The following CYB5D1 variants were observed in gnomAD, a reference collection of about 807,000 sequenced individuals.
CYB5D1 encodes cytochrome b5 domain-containing protein 1.
A neutral mutation model predicts 24.3 loss-of-function variants in CYB5D1; 30 were observed. The observed-to-expected ratio is 1.23, with a 90% CI of 0.92 to 1.67. The LOEUF (loss-of-function observed/expected upper bound fraction) is 1.67. CYB5D1 is among the 40% of genes most tolerant of loss of function. The probability of loss-of-function intolerance (pLI) is 0.00; values close to 1 mark genes in which losing one functional copy is unlikely to be tolerated. For synonymous variants in CYB5D1, 128 were observed against 123.2 expected (o/e 1.04, Z -0.26); for missense variants, 265 against 296.7 (o/e 0.89, Z 0.79).
rs976331324 is a variant in CYB5D1 at position 7,860,431 on chromosome 17, C to T, written c.*819C>T. 5 of 152,168 alleles carry T rather than the reference C, an allele frequency of 3.3e-5. No individual in the cohort carries two copies. Among genetic ancestry groups the T allele is most frequent in the Non-Finnish European group, 5.9e-5 (4 of 68,036 alleles). 9.4% of individuals were successfully genotyped at this position (152,168 alleles called of 1,614,324 possible). On this transcript the variant is annotated 3_prime_UTR_variant, in exon 4 of 4. Transcript: ENST00000332439. ...CCAAATAGCCTCTTCAAGACAACTA[C>T]CCCATAAGGTGGATTACCATTACTA...
rs545250303 is a variant in CYB5D1 at position 7,859,906 on chromosome 17, A to G, written c.*294A>G. 2 of 396,960 alleles carry G rather than the reference A, an allele frequency of 5.0e-6. No homozygotes were observed. The highest frequency in any genetic ancestry group is 9.3e-6 in the Non-Finnish European group (2 of 215,536). The allele number at this position is 396,960 out of a possible 1,614,324, so 24.6% of individuals were successfully genotyped here. ...GTTCAGGCAGAACTGTTTGATAGTTAAGAGAGAGTAGTTCTACAGGGGTGA... is the reference window on the plus strand; with the variant it reads ...GTTCAGGCAGAACTGTTTGATAGTTGAGAGAGAGTAGTTCTACAGGGGTGA... On this transcript the variant is annotated 3_prime_UTR_variant, in exon 4 of 4. Coordinates refer to ENST00000332439, the MANE Select transcript of CYB5D1 (RefSeq NM_144607.6).
chr17:7,859,695 G>A lies in CYB5D1; in HGVS notation c.*83G>A, dbSNP rs1035524748. The A allele has an allele frequency of 4.1e-5, 53 of 1,295,112 alleles. 1 individual carries two copies. In the Admixed American group the frequency reaches 4.4e-4, roughly 11 times the overall value. 80.2% of individuals were successfully genotyped at this position (1,295,112 alleles called of 1,614,324 possible). ...TGCCTTGAGGAAAAGTGGTGGGGCCGAGGGGTGCCTGGACCCAGATCTCCA... is the reference window on the plus strand; with the variant it reads ...TGCCTTGAGGAAAAGTGGTGGGGCCAAGGGGTGCCTGGACCCAGATCTCCA... On this transcript the variant is annotated 3_prime_UTR_variant, in exon 4 of 4. Transcript: ENST00000332439.
intron 3 of CYB5D1, 123 bp downstream of exon 3, chr17:7,858,947 G>C (rs1009257084): frequency 3.4e-6 from 3 of 889,502 alleles, no homozygotes; most frequent in Non-Finnish European, 4.9e-6. Flanking sequence ...CCTTTACATT[G>C]AGGCAACTGA....
In CYB5D1 at chr17:7,858,203, G is replaced by A. The variant is rs748640774; in HGVS notation, c.69G>A (p.Ala23=). ...TTCAGCGTCGCTATTTCACGCCGGCGGAGGTGGCCCAACATAACAGGCCCG... is the reference window on the plus strand; with the variant it reads ...TTCAGCGTCGCTATTTCACGCCGGCAGAGGTGGCCCAACATAACAGGCCCG... ...EYFQRRYFTP[A]EVAQHNRPED... The change falls in exon 1 of 4, where the codon GCG becomes GCA. Residue 23 remains alanine, a synonymous_variant. Coordinates refer to ENST00000332439, the MANE Select transcript of CYB5D1 (RefSeq NM_144607.6). The A allele has an allele frequency of 6.2e-7, 1 of 1,613,970 alleles. No individual in the cohort carries two copies. The highest frequency in any genetic ancestry group is 8.5e-7 in the Non-Finnish European group (1 of 1,180,014).
rs2078885690 is a variant in CYB5D1, at chr17:7,861,889, A to C, written c.*2277A>C. On this transcript the variant is annotated 3_prime_UTR_variant, in exon 4 of 4. Transcript: ENST00000332439. ...GTCCTAAATTCAAAGATCTTGTATA[A>C]ATCAGGCTCATCTCGCAACACCCCT... 1 of 152,224 alleles carries C rather than the reference A, an allele frequency of 6.6e-6. No homozygotes were observed. Among genetic ancestry groups the C allele is most frequent in the Admixed American group, 6.5e-5 (1 of 15,286 alleles). The allele number at this position is 152,224 out of a possible 1,614,324, so 9.4% of individuals were successfully genotyped here.
Position 7,858,296 on chromosome 17 carries a change from TA to T in CYB5D1, c.160+4del. ...CGTCATTGGCACAGGAATACAAGGG[TA>T]AGGGCCACACGTTGGGCCGGGGCCG... On this transcript the variant is annotated splice_donor_region_variant and intron_variant, in intron 1 of 3. Transcript: ENST00000332439. The T allele has an allele frequency of 1.2e-6, 2 of 1,613,480 alleles. No individual in the cohort carries two copies. Among genetic ancestry groups the T allele is most frequent in the Non-Finnish European group, 8.5e-7 (1 of 1,179,802 alleles).
chr17:7,858,998 G>A, intron 3 of CYB5D1, 174 bp downstream of exon 3: 2 of 597,066 alleles, frequency 3.3e-6, no homozygotes, highest in Non-Finnish European at 5.7e-6. Context: ...GGGAATTCTA[G>A]GAGTGTCTGG....
chr17:7,859,593 A>G lies in CYB5D1; in HGVS notation c.668A>G (p.Asp223Gly). Residue 223 changes from aspartate to glycine, a missense_variant, in exon 4 of 4, where the codon GAT becomes GGT. By Grantham distance (94) the Asp-to-Gly change is moderately conservative. Transcript: ENST00000332439. ...HTPAILLYFN[D>G]DLTEL is the part of the protein sequence containing the mutation. ...CCTGCAATACTTCTGTACTTCAATG[A>G]TGATCTCACGGAGTTGTAGGCAAGG... is the stretch of plus-strand genomic sequence containing the variant. 6.2e-7 allele frequency: 1 copy of G among 1,614,084 alleles called. No homozygotes were observed. Among genetic ancestry groups the G allele is most frequent in the Non-Finnish European group, 8.5e-7 (1 of 1,179,984 alleles).
At chr17:7,859,271 C>A in intron 3 of CYB5D1, 111 bp from the exon 4 acceptor site, 1 of 802,112 alleles carries the variant, frequency 1.2e-6, no homozygotes. Context: ...TTTCCCGGGG[C>A]CGTAGAGTAC....
Position 7,858,629 on chromosome 17 carries a change from G to A in CYB5D1, c.261G>A (p.Leu87=), listed in dbSNP as rs201396512. The A allele has an allele frequency of 6.2e-7, 1 of 1,605,016 alleles. No individual in the cohort carries two copies. Among genetic ancestry groups the A allele is most frequent in the Admixed American group, 1.7e-5 (1 of 59,626 alleles). ...AGATCCGCAAGCACATAGATCCGCTGACCGGCTGCCTGAGGTACTGCACCC... is the reference window on the plus strand; with the variant it reads ...AGATCCGCAAGCACATAGATCCGCTAACCGGCTGCCTGAGGTACTGCACCC... The part of the protein sequence containing the change: ...TRDIRKHIDP[L]TGCLRYCTPR... Residue 87 remains leucine (L), a synonymous_variant, in exon 3 of 4, where the codon CTG becomes CTA. Coordinates refer to ENST00000332439, the MANE Select transcript of CYB5D1 (RefSeq NM_144607.6).
In CYB5D1 at chr17:7,858,842, G is replaced by T. The variant is rs2151385856; in HGVS notation, c.456+18G>T. ...CACTGGAGGTGAGAACTGGTGACAA[G>T]GAGCAGGTTAGAAGGAATGGGGAAT... On this transcript the variant is annotated intron_variant, in intron 3 of 3. Coordinates refer to ENST00000332439, the MANE Select transcript of CYB5D1 (RefSeq NM_144607.6). The T allele has an allele frequency of 6.6e-7, 1 of 1,519,420 alleles. No individual in the cohort carries two copies. The highest frequency in any genetic ancestry group is 8.8e-7 in the Non-Finnish European group (1 of 1,133,288). 94.1% of individuals were successfully genotyped at this position (1,519,420 alleles called of 1,614,324 possible).
In CYB5D1 at chr17:7,858,441, C is replaced by G; in HGVS notation, c.199C>G (p.Gln67Glu). Residue 67 changes from glutamine (Q) to glutamate (E), a missense_variant, in exon 2 of 4, where the codon CAG becomes GAG. Gln to Glu is a conservative substitution (Grantham distance 29). Transcript: ENST00000332439. ...LLKPIVEVAG[Q>E]DISHWFDPKT... The stretch of plus-strand genomic sequence containing the variant: ...GAAACCCATCGTGGAAGTTGCAGGC[C>G]AGGATATCAGCCACTGGTTTGATCC... 6.2e-7 allele frequency: 1 copy of G among 1,614,154 alleles called. No homozygotes were observed. Among genetic ancestry groups the G allele is most frequent in the South Asian group, 1.1e-5 (1 of 91,084 alleles).
rs1258472471 is a variant in CYB5D1, at chr17:7,858,736, G to A, written c.368G>A (p.Gly123Glu). 3.1e-6 allele frequency: 5 copies of A among 1,605,722 alleles called. No individual in the cohort carries two copies. The highest frequency in any genetic ancestry group is 4.3e-6 in the Non-Finnish European group (5 of 1,175,950). Residue 123 changes from glycine to glutamate, a missense_variant, in exon 3 of 4, where the codon GGG becomes GAG. Physicochemically the swap from Gly to Glu is moderately conservative, Grantham distance 98. Transcript: ENST00000332439. ...GATTTTGGGAAGCCCTGGTGGCAGG[G>A]GTCGTATTATGAGGTGGGGCGGCTG... ...ANDFGKPWWQ[G>E]SYYEVGRLSA...
rs1190486022 is a variant in CYB5D1 at position 7,858,721 on chromosome 17, A to G, written c.353A>G (p.Lys118Arg). 20 of 1,609,250 alleles carry G rather than the reference A, an allele frequency of 1.2e-5. No individual in the cohort carries two copies. Among genetic ancestry groups the G allele is most frequent in the South Asian group, 2.2e-5 (2 of 90,662 alleles). ...TCGGACTGGGCCAACGATTTTGGGA[A>G]GCCCTGGTGGCAGGGGTCGTATTAT... ...PCSDWANDFG[K>R]PWWQGSYYEV... The change falls in exon 3 of 4, where the codon AAG becomes AGG. Residue 118 changes from lysine to arginine, a missense_variant. Coordinates refer to ENST00000332439, the MANE Select transcript of CYB5D1 (RefSeq NM_144607.6).
rs753661745 is a variant in CYB5D1, at chr17:7,859,395, A to T, written c.470A>T (p.Glu157Val). 1.2e-6 allele frequency: 2 copies of T among 1,613,990 alleles called. No individual in the cohort carries two copies. Among genetic ancestry groups the T allele is most frequent in the Non-Finnish European group, 1.7e-6 (2 of 1,179,986 alleles). ...QEHTLEVGVL[E>V]SIWEILHRYL... is the part of the protein sequence containing the mutation. ...TGTGTTCTCCAGGTGGGGGTTCTGGAGTCCATATGGGAAATCCTACACCGC... is the reference window on the plus strand; with the variant it reads ...TGTGTTCTCCAGGTGGGGGTTCTGGTGTCCATATGGGAAATCCTACACCGC... The change falls in exon 4 of 4, where the codon GAG becomes GTG. Residue 157 changes from glutamate to valine, a missense_variant. Coordinates refer to ENST00000332439, the MANE Select transcript of CYB5D1 (RefSeq NM_144607.6).
chr17:7,858,081 T>A lies in CYB5D1; in HGVS notation c.-54T>A. The A allele has an allele frequency of 6.2e-7, 1 of 1,606,124 alleles. No individual in the cohort carries two copies. The highest frequency in any genetic ancestry group is 1.1e-5 in the South Asian group (1 of 90,588). On this transcript the variant is annotated 5_prime_UTR_variant, in exon 1 of 4. Coordinates refer to ENST00000332439, the MANE Select transcript of CYB5D1 (RefSeq NM_144607.6). The stretch of plus-strand genomic sequence containing the variant: ...GGAGGTCGTAGTAGTAGTGAGTACG[T>A]GCTGAGGAGCAAAGGAGTAACCAAG...
chr17:7,859,345 C>G (rs148163823), intron 3 of CYB5D1, 37 bp from the exon 4 acceptor site: 1 of 1,563,408 alleles, frequency 6.4e-7, no homozygotes, highest in Non-Finnish European at 8.8e-7. Context: ...ATACTCCATC[C>G]AGAATTCTGG....
chr17:7,859,029 T>TC, intron 3 of CYB5D1: 1 of 567,636 alleles, frequency 1.8e-6, no homozygotes, highest in Non-Finnish European at 3.1e-6. Flanking sequence ...GACAAGAGAC[T>TC]CCTTTATAAG....
intron 3 of CYB5D1, chr17:7,859,116 G>C: frequency 3.5e-6 from 2 of 575,736 alleles, no homozygotes; most frequent in Non-Finnish European, 3.1e-6. Flanking sequence ...ACAGCAATTG[G>C]ACTTTCTTTT....
Sources: gnomAD v4.1 joint callset for allele counts on GRCh38, gnomAD v4.1.1 for gene constraint, MANE v1.5 for transcripts, NCBI Gene and HGNC (gene_info 2026-07-23, HGNC 2026-07-21) for gene names.